The following SLC25A51 variants were observed in gnomAD, a reference collection of about 807,000 sequenced individuals.
SLC25A51 encodes solute carrier family 25 member 51.
Under a neutral mutation model 19.1 loss-of-function variants are expected in SLC25A51, and 11 were observed. That is an observed-to-expected ratio of 0.58 (90% confidence interval 0.36 to 0.96). The LOEUF is 0.96. SLC25A51 is among the 40% of genes least tolerant of loss of function. The probability of loss-of-function intolerance (pLI) is 0.01; values close to 1 mark genes in which losing one functional copy is unlikely to be tolerated. For missense variants in SLC25A51, 201 were observed against 365.4 expected, an observed-to-expected ratio of 0.55 and a Z score of 3.67; for synonymous variants, 105 against 133.6, an observed-to-expected ratio of 0.79 and a Z score of 1.47.
intron 2 of SLC25A51, among the ~76,000 whole-genome samples, chr9:37,891,547 T>C (rs990284279): frequency 2.0e-5 from 3 of 152,194 alleles, no homozygotes; most frequent in Non-Finnish European, 4.4e-5. Context: ...TGTTGATCTA[T>C]GACCTTACCC....
At chr9:37,894,572 C>T (rs1374708601) in intron 2 of SLC25A51, among the ~76,000 whole-genome samples, 12 of 152,154 alleles carry the variant, frequency 7.9e-5, no homozygotes, top group Admixed American at 1.3e-4. Context: ...GTGATCTGTC[C>T]GCCTTGGCCT....
chr9:37,886,273 T>C (rs1831455223), downstream of SLC25A51: 2 of 1,612,616 alleles, frequency 1.2e-6, no homozygotes, highest in Non-Finnish European at 1.7e-6. Context: ...TTAACTTAAA[T>C]GAGCTATACC....
chr9:37,882,385 C>T (rs759778300), intron 2 of SLC25A51, among the ~76,000 whole-genome samples: 6 of 152,322 alleles, frequency 3.9e-5, no homozygotes, highest in South Asian at 2.1e-4. Flanking sequence ...TATATCCCAT[C>T]GACCACCATT....
At chr9:37,898,289 C>G (rs1343953407) in intron 2 of SLC25A51, among the ~76,000 whole-genome samples, 2 of 152,068 alleles carry the variant, frequency 1.3e-5, no homozygotes, top group African/African-American at 4.8e-5. Flanking sequence ...GGTGCGGTGG[C>G]TCACGCCTGT....
intron 2 of SLC25A51, among the ~76,000 whole-genome samples, chr9:37,895,900 G>A (rs764388470): frequency 1.8e-4 from 27 of 150,224 alleles, no homozygotes; most frequent in Non-Finnish European, 3.8e-4. Flanking sequence ...TGCAACCTCT[G>A]CCTTCCTGGT....
At chr9:37,884,943 T>C (rs554871735), downstream of SLC25A51, among the ~76,000 whole-genome samples, 2 of 152,368 alleles carry the variant, frequency 1.3e-5, no homozygotes, top group Admixed American at 6.5e-5. Context: ...AGCTCCTTGA[T>C]CTACCATATC....
downstream of SLC25A51, among the ~76,000 whole-genome samples, chr9:37,883,701 C>T (rs945086389): frequency 1.4e-4 from 22 of 152,212 alleles, no homozygotes; most frequent in African/African-American, 5.3e-4. Context: ...CACCAAGGTG[C>T]CTTTATTTAT....
At chr9:37,897,570 A>G (rs1831745749) in intron 2 of SLC25A51, among the ~76,000 whole-genome samples, 1 of 151,888 alleles carries the variant, frequency 6.6e-6, no homozygotes, top group African/African-American at 2.4e-5. Context: ...AATATGTGTA[A>G]TTCTTTCTTC....
chr9:37,903,705 G>A (rs986635483), intron 1 of SLC25A51: 2 of 152,254 alleles, frequency 1.3e-5, no homozygotes, highest in Non-Finnish European at 2.9e-5. Flanking sequence ...GCTGTCCCCC[G>A]GGCGCAGGCA....
chr9:37,878,595 G>C (rs967810448), downstream of SLC25A51: 6 of 159,644 alleles, frequency 3.8e-5, 1 homozygote, highest in Admixed American at 3.2e-4. Flanking sequence ...TGGATATCAT[G>C]AGTCATGCCA....
chr9:37,888,477 A>G lies in SLC25A51; in HGVS notation c.74T>C (p.Ile25Thr), dbSNP rs1831511122. 3 of 1,614,254 alleles carry G rather than the reference A, an allele frequency of 1.9e-6. No individual in the cohort carries two copies. The highest frequency in any genetic ancestry group is 2.5e-6 in the Non-Finnish European group (3 of 1,180,040). ...ATGCTTCATCTCACCAACATTTGTAATATGAGGTGATATATCTTGTTTTGA... is the reference window on the plus strand; with the variant it reads ...ATGCTTCATCTCACCAACATTTGTAGTATGAGGTGATATATCTTGTTTTGA... ...TSSKQDISPH[I>T]TNVGEMKHYL... Residue 25 changes from isoleucine to threonine, a missense_variant, in exon 3 of 3, where the codon ATT becomes ACT. Coordinates refer to ENST00000242275, the MANE Select transcript of SLC25A51 (RefSeq NM_033412.4).
At chr9:37,891,439 A>T (rs1385696453) in intron 2 of SLC25A51, among the ~76,000 whole-genome samples, 2 of 152,378 alleles carry the variant, frequency 1.3e-5, no homozygotes, top group African/African-American at 4.8e-5. Context: ...GGGAAAAGAC[A>T]GAGAAATCAG....
At chr9:37,896,123 C>T (rs558193768) in intron 2 of SLC25A51, among the ~76,000 whole-genome samples, 3 of 152,214 alleles carry the variant, frequency 2.0e-5, no homozygotes, top group East Asian at 1.9e-4. Context: ...TGAATTATCA[C>T]GTATACTGTA....
chr9:37,884,199 A>G, downstream of SLC25A51, among the ~76,000 whole-genome samples: 1 of 152,228 alleles, frequency 6.6e-6, no homozygotes, highest in Middle Eastern at 3.2e-3. Context: ...CCACTTTTTC[A>G]GTCTGTCTCT....
chr9:37,883,175 C>T (rs1831382410), downstream of SLC25A51, among the ~76,000 whole-genome samples: 1 of 152,196 alleles, frequency 6.6e-6, no homozygotes, highest in Admixed American at 6.5e-5. Flanking sequence ...CACACTAGTT[C>T]ACACTGAAGG....
At chr9:37,880,495 A>G (rs1379709866) in exon 4 of SLC25A51, 3 of 152,180 alleles carry the variant, frequency 2.0e-5, no homozygotes, top group African/African-American at 7.2e-5. Context: ...TCACGCCTAT[A>G]ATCCCAGCAC....
chr9:37,888,301 T>A lies in SLC25A51; in HGVS notation c.250A>T (p.Ile84Phe), dbSNP rs754522625. 1.2e-6 allele frequency: 2 copies of A among 1,614,198 alleles called. No individual in the cohort carries two copies. Among genetic ancestry groups the A allele is most frequent in the East Asian group, 2.2e-5 (1 of 44,894 alleles). Reference protein sequence around the residue: ...RDGFRNLYRGILPPLMQKTTT... With the variant: ...RDGFRNLYRGFLPPLMQKTTT... Reference sequence around the variant, plus strand: ...GTCTTCTGCATCAATGGGGGAAGGATTCCACGATACAAATTTCGAAATCCA... The same window carrying A: ...GTCTTCTGCATCAATGGGGGAAGGAATCCACGATACAAATTTCGAAATCCA... The change falls in exon 3 of 3, where the codon ATC (isoleucine) becomes TTC (phenylalanine). Residue 84 changes from isoleucine to phenylalanine, a missense_variant. Physicochemically the swap from Ile to Phe is conservative, Grantham distance 21. Transcript: ENST00000242275.
At chr9:37,886,601 CAAGA>C (rs1831462624), downstream of SLC25A51, among the ~76,000 whole-genome samples, 1 of 152,148 alleles carries the variant, frequency 6.6e-6, no homozygotes, top group African/African-American at 2.4e-5. Flanking sequence ...TGCACTGGAG[CAAGA>C]AAGAGATCTC....
Position 37,888,561 on chromosome 9 carries a change from ATCTT to A in SLC25A51, c.-15_-12del, listed in dbSNP as rs1240455237. On this transcript the variant is annotated 5_prime_UTR_variant, in exon 3 of 3. Coordinates refer to ENST00000242275, the MANE Select transcript of SLC25A51 (RefSeq NM_033412.4). The stretch of plus-strand genomic sequence containing the variant: ...TTCTGAATCCATCATGCTGCTTAAG[ATCTT>A]TCTTTTTCATGAAGGACTTTTTTTA... 1.3e-6 allele frequency: 2 copies of A among 1,572,436 alleles called. No individual in the cohort carries two copies. Among genetic ancestry groups the A allele is most frequent in the African/African-American group, 1.4e-5 (1 of 72,524 alleles).
Sources: allele counts gnomAD v4.1 joint callset (sites outside exome capture counted in the v4.1 genomes callset), GRCh38; gene constraint gnomAD v4.1.1; transcripts MANE v1.5; gene names NCBI Gene and HGNC (gene_info 2026-07-23, HGNC 2026-07-21).